The following BCAS1 variants were observed in gnomAD, a reference collection of about 807,000 sequenced individuals.
BCAS1 encodes breast carcinoma-amplified sequence 1.
A neutral mutation model predicts 65.4 loss-of-function variants in BCAS1; 46 were observed. That is an observed-to-expected ratio of 0.70 (90% CI 0.55 to 0.90). BCAS1 has a LOEUF of 0.90. Ranked by LOEUF, BCAS1 falls within the 40% of genes least tolerant of loss-of-function variation. The pLI is 0.00. For synonymous variants in BCAS1, 298 were observed against 293.5 expected, an observed-to-expected ratio of 1.02 and a Z score of -0.16; for missense variants, 793 against 771.2, an observed-to-expected ratio of 1.03 and a Z score of -0.33.
intron 1 of BCAS1, among the ~76,000 whole-genome samples, chr20:54,064,589 C>G (rs1407766082): frequency 6.6e-6 from 1 of 152,130 alleles, no homozygotes; most frequent in Non-Finnish European, 1.5e-5. Flanking sequence ...CAGAAGCAAG[C>G]CCAGATGCCC....
chr20:53,996,461 TAAAAAA>T (rs143929524), intron 4 of BCAS1, among the ~76,000 whole-genome samples: 23 of 92,194 alleles, frequency 2.5e-4, no homozygotes, highest in African/African-American at 5.8e-4. Flanking sequence ...TTATATCAAC[TAAAAAA>T]AAAAAAAAAA....
At chr20:54,045,648 C>A (rs2092090221) in intron 3 of BCAS1, among the ~76,000 whole-genome samples, 1 of 152,200 alleles carries the variant, frequency 6.6e-6, no homozygotes, top group Non-Finnish European at 1.5e-5. Flanking sequence ...TGAGCTCAAC[C>A]AATCAGAAAC....
intron 12 of BCAS1, among the ~76,000 whole-genome samples, chr20:53,951,249 G>A (rs1201364048): frequency 1.3e-5 from 2 of 152,176 alleles, no homozygotes; most frequent in South Asian, 4.2e-4. Flanking sequence ...GAGGCGGGCG[G>A]ATCACTCGAG....
rs553147259 is a variant in BCAS1 at position 54,032,596 on chromosome 20, C to T, written c.143-3624G>A. On this transcript the variant is annotated intron_variant, in intron 3 of 12. Coordinates refer to ENST00000688948, the MANE Select transcript of BCAS1 (RefSeq NM_001366298.2). ...AAGAGACCCATCTCCTATGCAGTGA[C>T]ACACATAGGTTCAAGATAAAGGGAT... 2.6e-5 allele frequency among the ~76,000 whole-genome samples: 4 copies of T among 151,330 alleles called. No homozygotes were observed. In the East Asian group the frequency reaches 7.7e-4, roughly 29 times the overall value.
chr20:54,055,100 A>C (rs968689953), intron 3 of BCAS1, among the ~76,000 whole-genome samples: 3 of 152,132 alleles, frequency 2.0e-5, no homozygotes, highest in South Asian at 2.1e-4. Flanking sequence ...AATCCCAACA[A>C]TTTTTCCCTA....
chr20:54,043,189 G>A (rs1490614436), intron 3 of BCAS1, among the ~76,000 whole-genome samples: 1 of 152,174 alleles, frequency 6.6e-6, no homozygotes, highest in Non-Finnish European at 1.5e-5. Context: ...AAACACAGAT[G>A]GGATGCACAT....
rs978168339 is a variant in BCAS1 at position 54,058,282 on chromosome 20, G to C, written c.73-128C>G. 8 of 856,574 alleles carry C rather than the reference G, an allele frequency of 9.3e-6. No homozygotes were observed. In the African/African-American group the frequency reaches 1.2e-4, roughly 13 times the overall value. 53.1% of individuals were successfully genotyped at this position (856,574 alleles called of 1,614,324 possible). A position where few individuals can be genotyped will look rare whatever the true frequency, so the allele number is the denominator to read the frequency against. On this transcript the variant is annotated intron_variant, in intron 2 of 12. Coordinates refer to ENST00000688948, the MANE Select transcript of BCAS1 (RefSeq NM_001366298.2). ...ACTTAACTTAAAGGCTGTGTTTCTA[G>C]AAACTCCCCAGTTTTCTATCATGCC...
At chr20:54,010,275 G>A (rs1191122907) in intron 4 of BCAS1, among the ~76,000 whole-genome samples, 1 of 151,974 alleles carries the variant, frequency 6.6e-6, no homozygotes, top group Non-Finnish European at 1.5e-5. Context: ...ACATTGAAAA[G>A]GAAGAAATAA....
At chr20:54,033,143 C>T (rs1568901529) in intron 3 of BCAS1, among the ~76,000 whole-genome samples, 1 of 151,060 alleles carries the variant, frequency 6.6e-6, no homozygotes, top group Admixed American at 6.6e-5. Flanking sequence ...TGGGACACAG[C>T]TAAGGCAGTG....
rs565497259 is a variant in BCAS1, at chr20:53,975,970, G to C, written c.1276-540C>G. Among the ~76,000 whole-genome samples the C allele has an allele frequency of 1.4e-4, 21 of 152,252 alleles. No individual in the cohort carries two copies. The South Asian group carries it at 3.3e-3, about 24-fold the overall frequency. On this transcript the variant is annotated intron_variant, in intron 8 of 12. Transcript: ENST00000688948. ...GCCAGCAGCAGGGGCCGCTGCTTTCGTCAGCCCTCAGTCTAGGCCAAGTTC... is the reference window on the plus strand; with the variant it reads ...GCCAGCAGCAGGGGCCGCTGCTTTCCTCAGCCCTCAGTCTAGGCCAAGTTC...
At chr20:54,009,130 AG>A (rs1228010556) in intron 4 of BCAS1, among the ~76,000 whole-genome samples, 1 of 152,242 alleles carries the variant, frequency 6.6e-6, no homozygotes, top group African/African-American at 2.4e-5. Context: ...AAGATTTTAA[AG>A]TAGTCACAAT....
At chr20:54,060,415 C>A (rs563492246) in intron 1 of BCAS1, among the ~76,000 whole-genome samples, 95 of 152,208 alleles carry the variant, frequency 6.2e-4, no homozygotes, top group African/African-American at 2.2e-3. Flanking sequence ...TGGGTTTAAG[C>A]AATTCTCCTG....
chr20:53,971,601 T>C (rs1323576728), intron 9 of BCAS1, among the ~76,000 whole-genome samples: 2 of 152,210 alleles, frequency 1.3e-5, no homozygotes, highest in Non-Finnish European at 2.9e-5. Context: ...AGTGATGTGA[T>C]GTTGGAAAGC....
At chr20:54,049,950 G>T (rs911813697) in intron 3 of BCAS1, among the ~76,000 whole-genome samples, 12 of 152,184 alleles carry the variant, frequency 7.9e-5, no homozygotes, top group African/African-American at 2.9e-4. Context: ...TTGCTGTAAT[G>T]AATTATCCCA....
At chr20:53,964,063 T>C (rs1015065734) in intron 10 of BCAS1, among the ~76,000 whole-genome samples, 1 of 152,220 alleles carries the variant, frequency 6.6e-6, no homozygotes, top group African/African-American at 2.4e-5. Context: ...TGGAACATAG[T>C]GGACACTCAA....
At chr20:54,001,691 C>A (rs1194676668) in intron 4 of BCAS1, among the ~76,000 whole-genome samples, 2 of 152,096 alleles carry the variant, frequency 1.3e-5, no homozygotes, top group Non-Finnish European at 2.9e-5. Flanking sequence ...ACCAAACTGA[C>A]CTTAAAAAAC....
In BCAS1 at chr20:53,995,027, CT is replaced by C; in HGVS notation, c.911del (p.Lys304ArgfsTer40). ...AACTACCTACCGTGTCTTCTGGGTCCTTTTTTGTTTCAGCTTTGTTAGGTGA... is the reference window on the plus strand; with the variant it reads ...AACTACCTACCGTGTCTTCTGGGTCCTTTTTGTTTCAGCTTTGTTAGGTGA... ...LVSPNKAETK[K>X]DPEDTASKAE... On this transcript the variant is annotated frameshift_variant, in exon 6 of 13. Transcript: ENST00000688948. LOFTEE classifies it high-confidence loss of function. 1 of 1,613,242 alleles carries C rather than the reference CT, an allele frequency of 6.2e-7. No individual in the cohort carries two copies. The highest frequency in any genetic ancestry group is 8.5e-7 in the Non-Finnish European group (1 of 1,179,602).
intron 12 of BCAS1, among the ~76,000 whole-genome samples, chr20:53,952,355 A>G (rs2089554234): frequency 1.3e-5 from 2 of 152,186 alleles, no homozygotes; most frequent in Admixed American, 1.3e-4. Flanking sequence ...AGGGGCTTCC[A>G]TTTTGTAGAG....
intron 12 of BCAS1, among the ~76,000 whole-genome samples, chr20:53,945,758 C>T (rs912140839): frequency 6.6e-6 from 1 of 152,198 alleles, no homozygotes; most frequent in African/African-American, 2.4e-5. Flanking sequence ...GGAATGTTGT[C>T]AGGCAGATAC....
Sources: allele counts gnomAD v4.1 joint callset (sites outside exome capture counted in the v4.1 genomes callset), GRCh38; gene constraint gnomAD v4.1.1; transcripts MANE v1.5; gene names NCBI Gene and HGNC (gene_info 2026-07-23, HGNC 2026-07-21).